The following WDFY2 variants were observed in gnomAD, a reference collection of about 807,000 sequenced individuals.
WDFY2 encodes WD repeat and FYVE domain-containing protein 2.
In WDFY2, 36 loss-of-function variants were observed where a neutral mutation model predicts 56.4. That is an observed-to-expected ratio of 0.64 (90% CI 0.49 to 0.84). WDFY2 has a LOEUF of 0.84. Among genes scored for constraint, WDFY2 ranks in the 40% least tolerant of loss-of-function variants. The pLI, the probability that WDFY2 is intolerant of heterozygous loss-of-function variation, is 0.00. For synonymous variants in WDFY2, 176 were observed against 183.7 expected (o/e 0.96, Z 0.34); for missense variants, 444 against 512.2 (o/e 0.87, Z 1.29).
intron 1 of WDFY2, among the ~76,000 whole-genome samples, chr13:51,614,455 A>G (rs980888930): frequency 6.6e-6 from 1 of 152,190 alleles, no homozygotes; most frequent in African/African-American, 2.4e-5. Context: ...TGGGCATTCT[A>G]GGGTTGGTCA....
intron 3 of WDFY2, among the ~76,000 whole-genome samples, chr13:51,697,442 G>C (rs369513982): frequency 6.6e-6 from 1 of 152,070 alleles, no homozygotes; most frequent in Non-Finnish European, 1.5e-5. Flanking sequence ...AGAGCAGCCT[G>C]GGTAACGTGG....
intron 3 of WDFY2, among the ~76,000 whole-genome samples, chr13:51,679,603 G>A (rs1306370385): frequency 1.3e-5 from 2 of 152,140 alleles, no homozygotes; most frequent in Non-Finnish European, 2.9e-5. Flanking sequence ...TCTTGTGATT[G>A]TGATTATTAT....
chr13:51,639,703 G>A (rs1469658388), intron 1 of WDFY2, among the ~76,000 whole-genome samples: 4 of 152,144 alleles, frequency 2.6e-5, no homozygotes, highest in Non-Finnish European at 5.9e-5. Flanking sequence ...TCGAAATAAT[G>A]TAGATTATGT....
chr13:51,694,724 G>C (rs1326598156), intron 3 of WDFY2, among the ~76,000 whole-genome samples: 3 of 152,126 alleles, frequency 2.0e-5, no homozygotes, highest in African/African-American at 7.2e-5. Context: ...TCTGAATGTT[G>C]GCCTGCCTTG....
intron 1 of WDFY2, among the ~76,000 whole-genome samples, chr13:51,600,933 G>A (rs994668804): frequency 5.3e-5 from 8 of 152,094 alleles, no homozygotes; most frequent in African/African-American, 1.9e-4. Flanking sequence ...ATGTTCAGAT[G>A]GCCATTTTCT....
At chr13:51,712,320 A>T (rs1320737834) in intron 4 of WDFY2, among the ~76,000 whole-genome samples, 1 of 152,148 alleles carries the variant, frequency 6.6e-6, no homozygotes, top group Non-Finnish European at 1.5e-5. Context: ...GCGGGGAGGG[A>T]TAACATTAGG....
chr13:51,722,527 A>T (rs1227832976), intron 5 of WDFY2, among the ~76,000 whole-genome samples: 1 of 152,172 alleles, frequency 6.6e-6, no homozygotes, highest in Non-Finnish European at 1.5e-5. Flanking sequence ...AAAATCTCAG[A>T]TTTGCAGGCC....
intron 4 of WDFY2, among the ~76,000 whole-genome samples, chr13:51,716,197 A>G (rs1226698537): frequency 6.6e-6 from 1 of 152,176 alleles, no homozygotes; most frequent in Non-Finnish European, 1.5e-5. Context: ...AAGATAATAG[A>G]TTAGTGTTTT....
intron 7 of WDFY2, among the ~76,000 whole-genome samples, chr13:51,741,733 C>T (rs1952979648): frequency 6.6e-6 from 1 of 152,100 alleles, no homozygotes; most frequent in African/African-American, 2.4e-5. Context: ...AAAGAGAGAG[C>T]TCAGATATCA....
intron 6 of WDFY2, among the ~76,000 whole-genome samples, chr13:51,734,601 A>C (rs1047849748): frequency 6.6e-6 from 1 of 152,210 alleles, no homozygotes; most frequent in Non-Finnish European, 1.5e-5. Flanking sequence ...CTAAGTGTAC[A>C]AGTAATGCAC....
At chr13:51,653,078 A>G (rs1171994702) in intron 1 of WDFY2, among the ~76,000 whole-genome samples, 1 of 152,122 alleles carries the variant, frequency 6.6e-6, no homozygotes, top group Non-Finnish European at 1.5e-5. Flanking sequence ...ACATAGTCCC[A>G]TATTTCTTGG....
intron 3 of WDFY2, among the ~76,000 whole-genome samples, chr13:51,697,031 G>T (rs893983247): frequency 7.2e-5 from 11 of 152,116 alleles, no homozygotes; most frequent in African/African-American, 2.4e-4. Context: ...AATACTAAGG[G>T]CCAGTAAACA....
intron 1 of WDFY2, among the ~76,000 whole-genome samples, chr13:51,637,635 G>A (rs1414177601): frequency 3.3e-5 from 5 of 152,032 alleles, no homozygotes. Context: ...GCAAAAGCAA[G>A]TTTATTAAGA....
intron 6 of WDFY2, 49 bp from the exon 7 acceptor site, chr13:51,739,000 G>A (rs1316918805): frequency 7.5e-6 from 11 of 1,457,628 alleles, no homozygotes; most frequent in Non-Finnish European, 8.2e-6. Context: ...TCTTTTGTGG[G>A]TAAGAGTCTT....
chr13:51,741,429 T>A (rs2138693626), intron 7 of WDFY2, among the ~76,000 whole-genome samples: 1 of 152,336 alleles, frequency 6.6e-6, no homozygotes, highest in South Asian at 2.1e-4. Flanking sequence ...TTAAACTTCC[T>A]CAGCATCAGT....
At chr13:51,737,551 TAAAAAA>T (rs67418551) in intron 6 of WDFY2, among the ~76,000 whole-genome samples, 23 of 53,240 alleles carry the variant, frequency 4.3e-4, no homozygotes, top group East Asian at 7.5e-4. Context: ...ACAATGAATT[TAAAAAA>T]AAAAAAAAAA....
At chr13:51,640,391 C>T (rs1273949473) in intron 1 of WDFY2, among the ~76,000 whole-genome samples, 6 of 152,134 alleles carry the variant, frequency 3.9e-5, no homozygotes, top group Admixed American at 3.3e-4. Context: ...CTTTGTCAGT[C>T]GTATTTCATG....
chr13:51,656,953 G>C (rs2138445866), intron 1 of WDFY2, among the ~76,000 whole-genome samples: 1 of 152,048 alleles, frequency 6.6e-6, no homozygotes, highest in East Asian at 1.9e-4. Flanking sequence ...GTTTTTGTGA[G>C]TTTAATCCAT....
chr13:51,706,027 AG>A (rs1952075467), intron 4 of WDFY2, among the ~76,000 whole-genome samples: 1 of 152,190 alleles, frequency 6.6e-6, no homozygotes, highest in Non-Finnish European at 1.5e-5. Context: ...TTGGCCTCAC[AG>A]GTATAAGTAT....
Sources: gnomAD v4.1 joint callset for allele counts (sites outside exome capture counted in the v4.1 genomes callset) on GRCh38, gnomAD v4.1.1 for gene constraint, MANE v1.5 for transcripts, NCBI Gene and HGNC (gene_info 2026-07-23, HGNC 2026-07-21) for gene names.